HPS3: variants seen among roughly 807,000 people sequenced by gnomAD.
HPS3 encodes the protein BLOC-2 complex member HPS3.
Under a neutral mutation model 110.9 loss-of-function variants are expected in HPS3, and 79 were observed. That is an observed-to-expected ratio of 0.71 (90% CI 0.59 to 0.86). The LOEUF (loss-of-function observed/expected upper bound fraction) is 0.86. HPS3 is among the 40% of genes least tolerant of loss of function. HPS3 has a pLI of 0.00. For synonymous variants in HPS3, 428 were observed against 451.0 expected (o/e 0.95, Z 0.65); for missense variants, 1,197 against 1,206.2 (o/e 0.99, Z 0.11).
At chr3:149,158,307 C>T (rs1021536849) in intron 9 of HPS3, among the ~76,000 whole-genome samples, 1 of 152,040 alleles carries the variant, frequency 6.6e-6, no homozygotes, top group Admixed American at 6.6e-5. Context: ...TTAGAATTAA[C>T]TTAAATTGTT....
intron 9 of HPS3, 112 bp downstream of exon 9, chr3:149,157,643 A>T: frequency 1.0e-6 from 1 of 953,482 alleles, no homozygotes; most frequent in South Asian, 1.4e-5. Flanking sequence ...TGGTTCATTT[A>T]TTCCCTTCTT....
At chr3:149,167,551 A>G (rs752547115) in intron 15 of HPS3, among the ~76,000 whole-genome samples, 1 of 152,172 alleles carries the variant, frequency 6.6e-6, no homozygotes, top group Non-Finnish European at 1.5e-5. Context: ...TTTAGTTTAG[A>G]AATTAGAAGA....
intron 16 of HPS3, among the ~76,000 whole-genome samples, chr3:149,171,698 C>CTTTTTT (rs1170000443): frequency 1.5e-3 from 183 of 118,258 alleles, no homozygotes; most frequent in African/African-American, 5.4e-3. Flanking sequence ...GAACTGGCTT[C>CTTTTTT]TTTTTTTTTT....
chr3:149,169,038 C>CGT (rs34076994), intron 16 of HPS3, among the ~76,000 whole-genome samples: 2,022 of 149,764 alleles, frequency 0.014, 21 homozygotes, highest in Admixed American at 0.015. Flanking sequence ...TGTGTGCATA[C>CGT]GTGTGTGTGT....
In HPS3 at chr3:149,140,513, T is replaced by C; in HGVS notation, c.712+15T>C. Reference sequence around the variant, plus strand: ...GACAGAAGAAGGTAAATAATGAATTTGACTTGCTTTCTTGTTTTAGGAATA... The same window carrying C: ...GACAGAAGAAGGTAAATAATGAATTCGACTTGCTTTCTTGTTTTAGGAATA... On this transcript the variant is annotated intron_variant, in intron 2 of 16. Coordinates refer to ENST00000296051, the MANE Select transcript of HPS3 (RefSeq NM_032383.5). 2 of 1,613,988 alleles carry C rather than the reference T, an allele frequency of 1.2e-6. No homozygotes were observed. The highest frequency in any genetic ancestry group is 1.7e-6 in the Non-Finnish European group (2 of 1,179,916).
rs1441126023 is a variant in HPS3, at chr3:149,162,830, T to G, written c.2433T>G (p.Ser811=). Residue 811 remains serine, a synonymous_variant, in exon 13 of 17, where the codon TCT becomes TCG. Coordinates refer to ENST00000296051, the MANE Select transcript of HPS3 (RefSeq NM_032383.5). ...CATCACAGTACATCTGGAGATTGTC[T>G]AAGAGGCAGCCTCCTGACACCACAC... The part of the protein sequence containing the change: ...KLTSQYIWRL[S]KRQPPDTTPL... 6.2e-7 allele frequency: 1 copy of G among 1,613,930 alleles called. No individual in the cohort carries two copies. Among genetic ancestry groups the G allele is most frequent in the Non-Finnish European group, 8.5e-7 (1 of 1,179,952 alleles).
chr3:149,132,910 A>T (rs1721860966), intron 1 of HPS3, among the ~76,000 whole-genome samples: 1 of 152,230 alleles, frequency 6.6e-6, no homozygotes, highest in Non-Finnish European at 1.5e-5. Context: ...AGGTGGATGA[A>T]ATAACAGTAG....
At chr3:149,133,345 G>T (rs951324197) in intron 1 of HPS3, among the ~76,000 whole-genome samples, 1 of 151,796 alleles carries the variant, frequency 6.6e-6, no homozygotes, top group Non-Finnish European at 1.5e-5. Flanking sequence ...TGTTGGCCAG[G>T]CTGGAGTGCA....
chr3:149,157,654 C>T (rs1723539521), intron 9 of HPS3, 123 bp downstream of exon 9: 1 of 879,800 alleles, frequency 1.1e-6, no homozygotes, highest in African/African-American at 1.6e-5. Flanking sequence ...TTCCCTTCTT[C>T]CACAAGCATT....
intron 11 of HPS3, among the ~76,000 whole-genome samples, chr3:149,161,100 A>C (rs1723773791): frequency 6.6e-6 from 1 of 152,228 alleles, no homozygotes; most frequent in Non-Finnish European, 1.5e-5. Flanking sequence ...GGAAGAACGT[A>C]AGTGCTTTAT....
At chr3:149,155,859 T>C (rs1438773240) in intron 8 of HPS3, among the ~76,000 whole-genome samples, 1 of 151,972 alleles carries the variant, frequency 6.6e-6, no homozygotes, top group African/African-American at 2.4e-5. Context: ...CATAGTGAGA[T>C]CCCATCTGTA....
intron 1 of HPS3, among the ~76,000 whole-genome samples, chr3:149,131,036 C>T (rs535467469): frequency 6.6e-6 from 1 of 151,518 alleles, no homozygotes; most frequent in Admixed American, 6.6e-5. Flanking sequence ...GAACTTGAAC[C>T]TGGAAGATTG....
At chr3:149,130,893 C>T (rs993766331) in intron 1 of HPS3, among the ~76,000 whole-genome samples, 1 of 152,050 alleles carries the variant, frequency 6.6e-6, no homozygotes, top group African/African-American at 2.4e-5. Flanking sequence ...AAACTAGATC[C>T]CTTTTAGATT....
intron 16 of HPS3, among the ~76,000 whole-genome samples, chr3:149,170,899 G>A (rs1000362201): frequency 1.3e-5 from 2 of 152,232 alleles, no homozygotes; most frequent in Non-Finnish European, 1.5e-5. Context: ...CTTCTATTCC[G>A]GGAGAGGGCA....
chr3:149,135,663 A>G (rs1351961133), intron 1 of HPS3, among the ~76,000 whole-genome samples: 1 of 152,132 alleles, frequency 6.6e-6, no homozygotes, highest in Non-Finnish European at 1.5e-5. Context: ...TGTGTAAAGC[A>G]AAGAAGAGGG....
In HPS3 at chr3:149,157,449, A is replaced by G. The variant is rs1723524591; in HGVS notation, c.1609A>G (p.Ser537Gly). The G allele has an allele frequency of 6.2e-7, 1 of 1,613,930 alleles. No homozygotes were observed. The highest frequency in any genetic ancestry group is 8.5e-7 in the Non-Finnish European group (1 of 1,179,874). The change falls in exon 9 of 17, where the codon AGT becomes GGT. Residue 537 changes from serine (S) to glycine (G), a missense_variant. Coordinates refer to ENST00000296051, the MANE Select transcript of HPS3 (RefSeq NM_032383.5). ...LLVRAALMDA[S>G]QLEPGEKAEL... is the part of the protein sequence containing the mutation. ...AGTGCGAGCTGCCCTGATGGATGCC[A>G]GTCAGCTGGAACCTGGAGAGAAGGC...
intron 14 of HPS3, among the ~76,000 whole-genome samples, 162 bp from the exon 15 acceptor site, chr3:149,166,872 T>C (rs1724477093): frequency 6.6e-6 from 1 of 152,238 alleles, no homozygotes; most frequent in Middle Eastern, 3.2e-3. Context: ...TATATTATAC[T>C]TAGATTTATT....
chr3:149,140,633 T>C lies in HPS3; in HGVS notation c.712+135T>C, dbSNP rs1198867584. On this transcript the variant is annotated intron_variant, in intron 2 of 16. Transcript: ENST00000296051. ...ATTTAGTTATTCCTATTTCATGGGA[T>C]TTGGTTTTATGATCTGGCTGTCCAT... is the stretch of plus-strand genomic sequence containing the variant. 3.0e-6 allele frequency: 3 copies of C among 987,902 alleles called. No individual in the cohort carries two copies. The African/African-American group carries it at 4.9e-5, about 16-fold the overall frequency. 61.2% of individuals were successfully genotyped at this position (987,902 alleles called of 1,614,324 possible). A position where few individuals can be genotyped will look rare whatever the true frequency, so the allele number is the denominator to read the frequency against.
rs1298357686 is a variant in HPS3, at chr3:149,132,674, A to G, written c.217+2734A>G. On this transcript the variant is annotated intron_variant, in intron 1 of 16. Coordinates refer to ENST00000296051, the MANE Select transcript of HPS3 (RefSeq NM_032383.5). ...GTAGTAATTTTGACTTTCAAGTCTC[A>G]TTATTAAAGAAATACATTTGGTAAG... 3.9e-5 allele frequency among the ~76,000 whole-genome samples: 6 copies of G among 152,350 alleles called. No individual in the cohort carries two copies. In the East Asian group the frequency reaches 1.2e-3, roughly 29 times the overall value.
Sources: gnomAD v4.1 joint callset for allele counts (sites outside exome capture counted in the v4.1 genomes callset) on GRCh38, gnomAD v4.1.1 for gene constraint, MANE v1.5 for transcripts, NCBI Gene and HGNC (gene_info 2026-07-23, HGNC 2026-07-21) for gene names.